ZCWPW1: variants seen among roughly 807,000 people sequenced by gnomAD.
ZCWPW1 encodes zinc finger CW-type and PWWP domain containing 1.
A neutral mutation model predicts 81.3 loss-of-function variants in ZCWPW1; 56 were observed. That is an observed-to-expected ratio of 0.69 (90% CI 0.56 to 0.86). The LOEUF (loss-of-function observed/expected upper bound fraction) is 0.86, where lower values mean the gene tolerates loss of function less well. Ranked by LOEUF, ZCWPW1 falls within the 40% of genes least tolerant of loss-of-function variation. ZCWPW1 has a pLI of 0.00. For missense variants in ZCWPW1, 650 were observed against 769.8 expected (o/e 0.84, Z 1.84); for synonymous variants, 250 against 273.7 (o/e 0.91, Z 0.86).
In ZCWPW1 at chr7:100,400,998, A is replaced by C; in HGVS notation, c.*16T>G. On this transcript the variant is annotated 3_prime_UTR_variant, in exon 18 of 18. Coordinates refer to ENST00000684423, the MANE Select transcript of ZCWPW1 (RefSeq NM_001386010.1). ...CCCCAGAGAAGGGAGAAAAAGAGGG[A>C]GCAGAGGAGCACCAGCTACTTCCCA... 6.3e-7 allele frequency: 1 copy of C among 1,590,768 alleles called. No homozygotes were observed. Among genetic ancestry groups the C allele is most frequent in the Non-Finnish European group, 8.6e-7 (1 of 1,167,344 alleles).
At chr7:100,408,958 T>A (rs1793623987) in intron 9 of ZCWPW1, among the ~76,000 whole-genome samples, 1 of 152,008 alleles carries the variant, frequency 6.6e-6, no homozygotes, top group African/African-American at 2.4e-5. Flanking sequence ...CTGACTGTGC[T>A]CCTGTCTATG....
chr7:100,412,131 G>A (rs190374091), intron 8 of ZCWPW1, among the ~76,000 whole-genome samples: 18 of 152,110 alleles, frequency 1.2e-4, no homozygotes, highest in African/African-American at 4.1e-4. Flanking sequence ...TAAATGTCAG[G>A]GGTCCCAAAG....
rs765925748 is a variant in ZCWPW1 at position 100,417,103 on chromosome 7, T to C, written c.442A>G (p.Ile148Val). The change falls in exon 6 of 18, where the codon ATT becomes GTT. Residue 148 changes from isoleucine (I) to valine (V), a missense_variant. By Grantham distance (29) the Ile-to-Val change is conservative. Transcript: ENST00000684423. Reference sequence around the variant, plus strand: ...TCAGTATCAGTAGCAGAAGCAGTAATTCCTGGCTCCTTGTCTGATTGGGTA... The same window carrying C: ...TCAGTATCAGTAGCAGAAGCAGTAACTCCTGGCTCCTTGTCTGATTGGGTA... The part of the protein sequence containing the change: ...VSTQSDKEPG[I>V]TASATDTDNA... The C allele has an allele frequency of 5.0e-6, 8 of 1,614,152 alleles. No individual in the cohort carries two copies. In the South Asian group the frequency reaches 6.6e-5, roughly 13 times the overall value.
intron 9 of ZCWPW1, among the ~76,000 whole-genome samples, chr7:100,409,168 G>T (rs775638724): frequency 6.6e-6 from 1 of 151,946 alleles, no homozygotes; most frequent in Non-Finnish European, 1.5e-5. Context: ...TTTTAATCAG[G>T]ATTGACAGGG....
chr7:100,410,035 T>C (rs1418143422), intron 8 of ZCWPW1, among the ~76,000 whole-genome samples: 1 of 152,182 alleles, frequency 6.6e-6, no homozygotes, highest in East Asian at 1.9e-4. Flanking sequence ...TTGCAAACTT[T>C]AGGACCAACA....
chr7:100,403,159 T>C (rs1025244923), intron 15 of ZCWPW1, among the ~76,000 whole-genome samples: 4 of 151,924 alleles, frequency 2.6e-5, no homozygotes, highest in African/African-American at 9.7e-5. Context: ...AAGTCCATTC[T>C]AACGAGATCC....
At chr7:100,413,396 CTT>C (rs1472076244) in intron 8 of ZCWPW1, among the ~76,000 whole-genome samples, 1 of 152,210 alleles carries the variant, frequency 6.6e-6, no homozygotes, top group Non-Finnish European at 1.5e-5. Flanking sequence ...ACCTAAAACT[CTT>C]TCTTCACTTG....
chr7:100,417,012 C>T, intron 6 of ZCWPW1, 54 bp downstream of exon 6: 1 of 1,270,264 alleles, frequency 7.9e-7, no homozygotes, highest in Non-Finnish European at 1.1e-6. Context: ...GACTGACTGA[C>T]CATGAATGTG....
At chr7:100,416,186 C>A in intron 7 of ZCWPW1, 89 bp from the exon 8 acceptor site, 1 of 1,596,832 alleles carries the variant, frequency 6.3e-7, no homozygotes, top group South Asian at 1.1e-5. Flanking sequence ...GAAGAAGAAT[C>A]ACAGCCTAAT....
At position 100,416,348 on chromosome 7, in the gene ZCWPW1, C is replaced by A. The variant is rs1383171253; in HGVS notation, c.588G>T (p.Lys196Asn). Reference sequence around the variant, plus strand: ...TGCTTAAGGTGAGTCTATTGGATTTCTTCTTAGAGGGTGCAGGATCTGGCT... The same window carrying A: ...TGCTTAAGGTGAGTCTATTGGATTTATTCTTAGAGGGTGCAGGATCTGGCT... ...LGQPDPAPSK[K>N]KSNRLTLSKR... The change falls in exon 7 of 18, where the codon AAG becomes AAT. Residue 196 changes from lysine to asparagine, a missense_variant. Lys to Asn is a moderately conservative substitution (Grantham distance 94, BLOSUM62 0). Coordinates refer to ENST00000684423, the MANE Select transcript of ZCWPW1 (RefSeq NM_001386010.1). 1 of 1,614,004 alleles carries A rather than the reference C, an allele frequency of 6.2e-7. No homozygotes were observed. The highest frequency in any genetic ancestry group is 8.5e-7 in the Non-Finnish European group (1 of 1,180,026).
intron 8 of ZCWPW1, among the ~76,000 whole-genome samples, chr7:100,410,262 CA>C (rs974758472): frequency 5.3e-4 from 81 of 152,262 alleles, no homozygotes; most frequent in African/African-American, 1.9e-3. Context: ...ACTCGAGCAA[CA>C]AAAGTCCACA....
chr7:100,404,934 A>T (rs903775560), intron 13 of ZCWPW1, 79 bp downstream of exon 13: 2 of 1,468,326 alleles, frequency 1.4e-6, no homozygotes, highest in South Asian at 1.2e-5. Context: ...AGCACAAACC[A>T]TCTTTGTCTG....
Position 100,408,605 on chromosome 7 carries a change from C to T in ZCWPW1, c.926G>A (p.Ser309Asn). The T allele has an allele frequency of 6.2e-7, 1 of 1,614,114 alleles. No individual in the cohort carries two copies. Among genetic ancestry groups the T allele is most frequent in the Non-Finnish European group, 8.5e-7 (1 of 1,179,984 alleles). Residue 309 changes from serine (S) to asparagine (N), a missense_variant, in exon 10 of 18, where the codon AGT becomes AAT. By Grantham distance (46) the Ser-to-Asn change is conservative. Transcript: ENST00000684423. ...GATGTAGGAGGCATAGGCCACATCACTCTCAAGCCCTGTCCAGGTCTCCTC... is the reference window on the plus strand; with the variant it reads ...GATGTAGGAGGCATAGGCCACATCATTCTCAAGCCCTGTCCAGGTCTCCTC... ...IPEETWTGLE[S>N]DVAYASYIPG...
Position 100,401,356 on chromosome 7 carries a change from A to G in ZCWPW1, c.1628-20T>C, listed in dbSNP as rs1791842196. ...TAGGGCCTAAATGAGAAGGTGACAAAGCCAAGAGTCCTATTAGGTCAGCCT... is the reference window on the plus strand; with the variant it reads ...TAGGGCCTAAATGAGAAGGTGACAAGGCCAAGAGTCCTATTAGGTCAGCCT... On this transcript the variant is annotated intron_variant, in intron 17 of 17. Transcript: ENST00000684423. The G allele has an allele frequency of 1.3e-6, 2 of 1,520,512 alleles. No individual in the cohort carries two copies. Among genetic ancestry groups the G allele is most frequent in the Non-Finnish European group, 1.8e-6 (2 of 1,136,950 alleles). 94.2% of individuals were successfully genotyped at this position (1,520,512 alleles called of 1,614,324 possible). A position where few individuals can be genotyped will look rare whatever the true frequency, so the allele number is the denominator to read the frequency against.
chr7:100,426,408 C>G (rs919633132), intron 1 of ZCWPW1, among the ~76,000 whole-genome samples: 1 of 149,392 alleles, frequency 6.7e-6, no homozygotes, highest in African/African-American at 2.5e-5. Flanking sequence ...AGGAGAATCA[C>G]TTGAACCCAG....
intron 3 of ZCWPW1, 23 bp downstream of exon 3, chr7:100,420,599 A>T (rs1796169749): frequency 6.2e-7 from 1 of 1,613,032 alleles, no homozygotes; most frequent in African/African-American, 1.3e-5. Flanking sequence ...GTATGAAGCG[A>T]ACCTCCCTCA....
intron 8 of ZCWPW1, 33 bp downstream of exon 8, chr7:100,415,942 G>T: frequency 1.2e-6 from 2 of 1,613,176 alleles, no homozygotes; most frequent in Non-Finnish European, 1.7e-6. Flanking sequence ...AAATTTTCAG[G>T]CCAAGTAGGT....
chr7:100,410,471 A>AT (rs1265070400), intron 8 of ZCWPW1, among the ~76,000 whole-genome samples: 1 of 152,022 alleles, frequency 6.6e-6, no homozygotes, highest in Non-Finnish European at 1.5e-5. Context: ...CAACTCTTAT[A>AT]AAAACTTCCT....
chr7:100,421,842 G>A (rs527323934), intron 2 of ZCWPW1, among the ~76,000 whole-genome samples: 2 of 152,126 alleles, frequency 1.3e-5, no homozygotes, highest in East Asian at 3.9e-4. Flanking sequence ...ACAGGCATGC[G>A]CCACCACCGC....
Sources: allele counts gnomAD v4.1 joint callset (sites outside exome capture counted in the v4.1 genomes callset), GRCh38; gene constraint gnomAD v4.1.1; transcripts MANE v1.5; gene names NCBI Gene and HGNC (gene_info 2026-07-23, HGNC 2026-07-21).